The following EIF4G3 variants were observed in gnomAD, a reference collection of about 807,000 sequenced individuals.
EIF4G3 encodes eukaryotic translation initiation factor 4 gamma 3, also known as eIF-4-gamma 3.
Under a neutral mutation model 186.4 loss-of-function variants are expected in EIF4G3, and 34 were observed. The ratio of observed to expected loss-of-function variants is 0.18; its 90% confidence interval spans 0.14 to 0.24. The LOEUF is 0.24. EIF4G3 is among the 10% of genes least tolerant of loss of function. EIF4G3 has a pLI of 1.00. For synonymous variants in EIF4G3, 673 were observed against 679.5 expected (o/e 0.99, Z 0.15); for missense variants, 1,536 against 1,948.5 (o/e 0.79, Z 3.99).
intron 2 of EIF4G3, among the ~76,000 whole-genome samples, chr1:21,141,708 C>T (rs113424907): frequency 6.6e-6 from 1 of 151,944 alleles, no homozygotes; most frequent in Non-Finnish European, 1.5e-5. Context: ...ACAGGAAGAT[C>T]GTTTGAACCT....
intron 30 of EIF4G3, among the ~76,000 whole-genome samples, chr1:20,830,403 A>G (rs903832603): frequency 4.6e-5 from 7 of 152,216 alleles, no homozygotes; most frequent in African/African-American, 1.4e-4. Flanking sequence ...CACAGCTTGC[A>G]ATTATTTGAT....
intron 2 of EIF4G3, among the ~76,000 whole-genome samples, chr1:21,166,444 G>A (rs565438433): frequency 3.4e-4 from 51 of 152,162 alleles, no homozygotes; most frequent in Admixed American, 1.1e-3. Context: ...AAATGAATAA[G>A]CTGGGCGCAG....
chr1:20,989,324 G>A (rs1354526764), intron 7 of EIF4G3, among the ~76,000 whole-genome samples: 1 of 151,156 alleles, frequency 6.6e-6, no homozygotes, highest in Non-Finnish European at 1.5e-5. Context: ...GGGAAGTGGA[G>A]GCGGGTGGAT....
At chr1:20,850,368 C>T (rs768705194) in intron 28 of EIF4G3, among the ~76,000 whole-genome samples, 11 of 152,160 alleles carry the variant, frequency 7.2e-5, no homozygotes, top group Non-Finnish European at 1.6e-4. Flanking sequence ...AGCCATATGT[C>T]CCTAAAGCTG....
chr1:21,011,777 C>T (rs1261393615), intron 4 of EIF4G3, among the ~76,000 whole-genome samples: 1 of 152,092 alleles, frequency 6.6e-6, no homozygotes, highest in African/African-American at 2.4e-5. Context: ...AGTAAACTAA[C>T]AAAATTTAGC....
intron 3 of EIF4G3, among the ~76,000 whole-genome samples, chr1:21,051,858 T>C (rs990412254): frequency 7.2e-5 from 11 of 152,158 alleles, no homozygotes; most frequent in Non-Finnish European, 1.3e-4. Context: ...AGGAAAACCC[T>C]ATCTCTTTAA....
rs909695013 is a variant in EIF4G3 at position 21,017,905 on chromosome 1, A to C, written c.-66-15097T>G. Among the ~76,000 whole-genome samples the C allele has an allele frequency of 2.0e-5, 3 of 152,050 alleles. No homozygotes were observed. In the East Asian group the frequency reaches 5.8e-4, roughly 29 times the overall value. The stretch of plus-strand genomic sequence containing the variant: ...CAAAAAGTTTCAGTTTTGCAAGATG[A>C]AAAGAGGTATGAAGATACACAGTGT... On this transcript the variant is annotated intron_variant, in intron 4 of 36. Transcript: ENST00000602326.
chr1:21,108,282 C>T lies in EIF4G3; in HGVS notation c.-271-19069G>A, dbSNP rs538602582. On this transcript the variant is annotated intron_variant, in intron 2 of 36. Coordinates refer to ENST00000602326, the MANE Select transcript of EIF4G3 (RefSeq NM_001391906.1). ...TCTAAAATAAGCTAGGTATATAAAACAGATGTACAATCAACCCTATTATTC... is the reference window on the plus strand; with the variant it reads ...TCTAAAATAAGCTAGGTATATAAAATAGATGTACAATCAACCCTATTATTC... 1.4e-4 allele frequency among the ~76,000 whole-genome samples: 21 copies of T among 152,292 alleles called. No individual in the cohort carries two copies. In the South Asian group the frequency reaches 4.4e-3, roughly 32 times the overall value.
At chr1:21,089,841 ACT>A (rs1259983702) in intron 2 of EIF4G3, among the ~76,000 whole-genome samples, 3 of 151,918 alleles carry the variant, frequency 2.0e-5, no homozygotes, top group Non-Finnish European at 4.4e-5. Context: ...CCCATGTAAA[ACT>A]CTGTACACTA....
chr1:20,911,560 C>CAAAAAAA (rs60071144), intron 14 of EIF4G3, among the ~76,000 whole-genome samples: 1 of 40,718 alleles, frequency 2.5e-5, no homozygotes, highest in African/African-American at 1.1e-4. Context: ...GACCCTGCCT[C>CAAAAAAA]AAAAAAAAAA....
chr1:21,095,266 T>C (rs969693046), intron 2 of EIF4G3, among the ~76,000 whole-genome samples: 5 of 152,238 alleles, frequency 3.3e-5, no homozygotes, highest in African/African-American at 1.2e-4. Flanking sequence ...ATTTTAGAAT[T>C]GCAAGACTAT....
Position 20,865,205 on chromosome 1 carries a change from G to A in EIF4G3, c.2680C>T (p.Leu894=). Reference sequence around the variant, plus strand: ...TCAAACTCCTTCTGGCAACGGTTCAGTAGCAGCTTCCGGAAATTCACTGTG... The same window carrying A: ...TCAAACTCCTTCTGGCAACGGTTCAATAGCAGCTTCCGGAAATTCACTGTG... ...GNTVNFRKLL[L]NRCQKEFEKD... Residue 894 remains leucine (L), a synonymous_variant, in exon 21 of 37, where the codon CTG becomes TTG. Transcript: ENST00000602326. 6.2e-7 allele frequency: 1 copy of A among 1,614,178 alleles called. No homozygotes were observed. The highest frequency in any genetic ancestry group is 8.5e-7 in the Non-Finnish European group (1 of 1,180,022).
chr1:21,157,166 G>A (rs986796646), intron 2 of EIF4G3, among the ~76,000 whole-genome samples: 4 of 151,956 alleles, frequency 2.6e-5, no homozygotes, highest in African/African-American at 4.8e-5. Flanking sequence ...GTGGATCTTC[G>A]GACTACCCCA....
chr1:21,024,623 T>G (rs1325154248), intron 4 of EIF4G3, among the ~76,000 whole-genome samples: 1 of 150,294 alleles, frequency 6.7e-6, no homozygotes, highest in Non-Finnish European at 1.5e-5. Context: ...ACATGTGCTG[T>G]GTCCACTCAG....
chr1:20,900,940 G>A (rs2090084172), intron 15 of EIF4G3, among the ~76,000 whole-genome samples: 1 of 152,068 alleles, frequency 6.6e-6, no homozygotes, highest in Admixed American at 6.6e-5. Context: ...TTGTTAGATA[G>A]TATTAAAACA....
intron 20 of EIF4G3, among the ~76,000 whole-genome samples, chr1:20,869,714 G>A (rs2078621755): frequency 6.8e-6 from 1 of 146,804 alleles, no homozygotes; most frequent in Admixed American, 7.0e-5. Context: ...GGCGAAGCTT[G>A]CAGTGAGCCG....
chr1:21,092,079 AG>A (rs1209994491), intron 2 of EIF4G3, among the ~76,000 whole-genome samples: 2 of 152,188 alleles, frequency 1.3e-5, no homozygotes, highest in Non-Finnish European at 2.9e-5. Flanking sequence ...CAGTTTTCAA[AG>A]GGAATGCTTC....
intron 19 of EIF4G3, among the ~76,000 whole-genome samples, chr1:20,883,401 G>A (rs570808493): frequency 1.3e-5 from 2 of 152,038 alleles, no homozygotes; most frequent in African/African-American, 4.8e-5. Flanking sequence ...GGCAGATCAC[G>A]AGTTCAGGAG....
intron 2 of EIF4G3, among the ~76,000 whole-genome samples, chr1:21,125,457 G>A (rs867219636): frequency 6.6e-6 from 1 of 152,094 alleles, no homozygotes; most frequent in African/African-American, 2.4e-5. Flanking sequence ...AGTGGCTCAC[G>A]CCTATAATCT....
Sources: allele counts gnomAD v4.1 joint callset (sites outside exome capture counted in the v4.1 genomes callset), GRCh38; gene constraint gnomAD v4.1.1; transcripts MANE v1.5; gene names NCBI Gene and HGNC (gene_info 2026-07-23, HGNC 2026-07-21).